The following HCFC2 variants were observed in gnomAD, a reference collection of about 807,000 sequenced individuals.
HCFC2 encodes the protein host cell factor 2.
HCFC2 carries 18 observed loss-of-function variants against 89.2 expected under a neutral mutation model. The ratio of observed to expected loss-of-function variants is 0.20; its 90% CI spans 0.14 to 0.30. The LOEUF (loss-of-function observed/expected upper bound fraction) is 0.30. Among genes scored for constraint, HCFC2 ranks in the 10% least tolerant of loss-of-function variants. HCFC2 has a pLI of 1.00. For synonymous variants in HCFC2, 308 were observed against 335.7 expected, an observed-to-expected ratio of 0.92 and a Z score of 0.90; for missense variants, 578 against 956.1, an observed-to-expected ratio of 0.60 and a Z score of 5.21.
chr12:104,092,192 G>T (rs1884040888), intron 9 of HCFC2, among the ~76,000 whole-genome samples: 1 of 152,186 alleles, frequency 6.6e-6, no homozygotes, highest in African/African-American at 2.4e-5. Context: ...TGGCGGCTGG[G>T]TTCTGTGGCT....
At chr12:104,088,157 GA>G in intron 9 of HCFC2, 119 bp downstream of exon 9, 1 of 480,294 alleles carries the variant, frequency 2.1e-6, no homozygotes, top group Non-Finnish European at 3.7e-6. Context: ...CTGCACTTGA[GA>G]GTTATCTCTG....
intron 13 of HCFC2, 41 bp from the exon 14 acceptor site, chr12:104,101,927 G>C: frequency 7.5e-7 from 1 of 1,324,802 alleles, no homozygotes; most frequent in Non-Finnish European, 1.0e-6. Context: ...TAATATATTA[G>C]TTGTACCTTT....
chr12:104,076,887 G>A (rs781760356), intron 3 of HCFC2, among the ~76,000 whole-genome samples: 9 of 152,128 alleles, frequency 5.9e-5, no homozygotes, highest in African/African-American at 9.7e-5. Flanking sequence ...ACTCTGCTTC[G>A]TTGCCTTTCC....
intron 10 of HCFC2, among the ~76,000 whole-genome samples, chr12:104,094,758 A>G (rs898284665): frequency 2.6e-5 from 4 of 152,156 alleles, no homozygotes; most frequent in Non-Finnish European, 1.5e-5. Context: ...ATTGTTGGGT[A>G]AACAAAGAGG....
chr12:104,098,114 T>C (rs1387724116), intron 12 of HCFC2: 2 of 406,830 alleles, frequency 4.9e-6, no homozygotes, highest in East Asian at 3.8e-5. Flanking sequence ...AGGTTGATAG[T>C]ACAGAGCTAC....
At chr12:104,094,732 A>G (rs538779588) in intron 10 of HCFC2, among the ~76,000 whole-genome samples, 3 of 152,200 alleles carry the variant, frequency 2.0e-5, no homozygotes, top group East Asian at 1.9e-4. Flanking sequence ...GTAAGGGGAG[A>G]GGGTAATTGG....
chr12:104,076,983 C>T lies in HCFC2; in HGVS notation c.474-2462C>T, dbSNP rs140738561. Among the ~76,000 whole-genome samples, 642 of 152,052 alleles carry T rather than the reference C, an allele frequency of 4.2e-3. 17 individuals carry two copies. In the South Asian group the frequency reaches 0.074, roughly 18 times the overall value. On this transcript the variant is annotated intron_variant, in intron 3 of 14. Transcript: ENST00000229330. ...GTATATGTATATGTGTGTTCGTGTA[C>T]GTGCGTGTTTATACATCTGTGTCTG...
Position 104,068,134 on chromosome 12 carries a change from C to T in HCFC2, c.473+27C>T. The T allele has an allele frequency of 1.3e-6, 2 of 1,524,430 alleles. No individual in the cohort carries two copies. The highest frequency in any genetic ancestry group is 1.8e-6 in the Non-Finnish European group (2 of 1,137,980). The allele number at this position is 1,524,430 out of a possible 1,614,324, so 94.4% of individuals were successfully genotyped here. On this transcript the variant is annotated intron_variant, in intron 3 of 14. Coordinates refer to ENST00000229330, the MANE Select transcript of HCFC2 (RefSeq NM_013320.3). This position sits in a 1 kb window ranked among gnomAD's most constrained non-coding sequence, Gnocchi z 4.1. ...TATGCTGACTCTTTCAGACCAAATGCTTATTTTATGATTTAGAGTAGGAAC... is the reference window on the plus strand; with the variant it reads ...TATGCTGACTCTTTCAGACCAAATGTTTATTTTATGATTTAGAGTAGGAAC...
chr12:104,098,011 A>G (rs1649754113), intron 12 of HCFC2: 3 of 184,462 alleles, frequency 1.6e-5, no homozygotes, highest in African/African-American at 7.0e-5. Context: ...TAAAGGAATT[A>G]CATTTTCTGA....
At position 104,064,605 on chromosome 12, in the gene HCFC2, C is replaced by T. The variant is rs748414719; in HGVS notation, c.45C>T (p.Phe15=). Residue 15 remains phenylalanine (F), a synonymous_variant, in exon 1 of 15, where the codon TTC becomes TTT. Transcript: ENST00000229330. The surrounding 1 kb of genome is among the most constrained non-coding windows in gnomAD (Gnocchi z 7.3). ...SLLNWRRVSS[F]TGPVPRARHG... is the part of the protein sequence containing the mutation. The stretch of plus-strand genomic sequence containing the variant: ...TCAACTGGAGGCGAGTTTCTTCCTT[C>T]ACGGGGCCGGTCCCCCGCGCCCGGC... 3.4e-5 allele frequency: 54 copies of T among 1,575,070 alleles called. No homozygotes were observed. In the Admixed American group the frequency reaches 7.7e-4, roughly 22 times the overall value.
intron 1 of HCFC2, chr12:104,065,064 G>C (rs1327674461): frequency 9.3e-6 from 2 of 214,070 alleles, no homozygotes; most frequent in Non-Finnish European, 1.8e-5. Flanking sequence ...TCTCGCCTCT[G>C]TCAAAAAACA....
intron 3 of HCFC2, among the ~76,000 whole-genome samples, chr12:104,074,326 T>A (rs1312141347): frequency 6.6e-6 from 1 of 152,114 alleles, no homozygotes; most frequent in South Asian, 2.1e-4. Context: ...AACTTTTTTT[T>A]TCTTTTTCTT....
intron 12 of HCFC2, 137 bp downstream of exon 12, chr12:104,096,570 T>A: frequency 1.8e-6 from 1 of 570,618 alleles, no homozygotes; most frequent in Admixed American, 3.0e-5. Context: ...AATAAATGAT[T>A]GAATAGGAAA....
In HCFC2 at chr12:104,102,942, T is replaced by TCC. The variant is rs762636244; in HGVS notation, c.2065-17_2065-16insCC. On this transcript the variant is annotated splice_polypyrimidine_tract_variant and intron_variant, in intron 14 of 14. Coordinates refer to ENST00000229330, the MANE Select transcript of HCFC2 (RefSeq NM_013320.3). ...AACTTAAGAACCTTTAACCTGTTTTTTCCCCCCCCCTTCAAGAATGTTGAA... is the reference window on the plus strand; with the variant it reads ...AACTTAAGAACCTTTAACCTGTTTTTCCTCCCCCCCCCTTCAAGAATGTTGAA... 1.3e-6 allele frequency: 2 copies of TCC among 1,587,866 alleles called. No individual in the cohort carries two copies. The highest frequency in any genetic ancestry group is 1.7e-5 in the Admixed American group (1 of 58,542).
chr12:104,087,383 G>A (rs1351869490), intron 8 of HCFC2, among the ~76,000 whole-genome samples: 9 of 145,812 alleles, frequency 6.2e-5, no homozygotes, highest in African/African-American at 1.5e-4. Context: ...ACACACACAC[G>A]CACACAAGCA....
intron 13 of HCFC2, among the ~76,000 whole-genome samples, chr12:104,100,121 T>C (rs1178626355): frequency 1.3e-5 from 2 of 152,166 alleles, no homozygotes; most frequent in African/African-American, 2.4e-5. Context: ...AAAAGAAATC[T>C]AAAAACCCTG....
chr12:104,066,601 G>A (rs1883156839), intron 2 of HCFC2, among the ~76,000 whole-genome samples: 1 of 152,108 alleles, frequency 6.6e-6, no homozygotes, highest in African/African-American at 2.4e-5. Context: ...TATCTGTTAC[G>A]TAGCATCAGT....
chr12:104,081,904 C>CAAA (rs761929991), intron 5 of HCFC2, among the ~76,000 whole-genome samples: 1 of 62,552 alleles, frequency 1.6e-5, no homozygotes, highest in Non-Finnish European at 3.1e-5. Context: ...GATCCTGTCT[C>CAAA]AAAAAAAAAA....
chr12:104,064,737 C>T lies in HCFC2; in HGVS notation c.163+14C>T, dbSNP rs367825906. On this transcript the variant is annotated intron_variant, in intron 1 of 14. Coordinates refer to ENST00000229330, the MANE Select transcript of HCFC2 (RefSeq NM_013320.3). This position sits in a 1 kb window ranked among gnomAD's most constrained non-coding sequence, Gnocchi z 7.3. ...TCTACAACACGGGTAGGCGCGGCGGCGGCTCGTCGGCCCCGCCTGCTGGAG... is the reference window on the plus strand; with the variant it reads ...TCTACAACACGGGTAGGCGCGGCGGTGGCTCGTCGGCCCCGCCTGCTGGAG... 23 of 1,544,028 alleles carry T rather than the reference C, an allele frequency of 1.5e-5. No homozygotes were observed. Among genetic ancestry groups the T allele is most frequent in the Non-Finnish European group, 1.8e-5 (21 of 1,148,062 alleles).
Sources: gnomAD v4.1 joint callset for allele counts (sites outside exome capture counted in the v4.1 genomes callset) on GRCh38, gnomAD v4.1.1 for gene constraint, Gnocchi (gnomAD v3.1) non-coding constraint, MANE v1.5 for transcripts, NCBI Gene and HGNC (gene_info 2026-07-23, HGNC 2026-07-21) for gene names.